KCNH7: variants seen among roughly 807,000 people sequenced by gnomAD.
KCNH7 encodes the protein potassium voltage-gated channel subfamily H member 7.
KCNH7 carries 49 observed loss-of-function variants against 120.8 expected under a neutral mutation model. The ratio of observed to expected loss-of-function variants is 0.41; its 90% CI spans 0.32 to 0.51. The LOEUF is 0.51. Ranked by LOEUF, KCNH7 falls within the 20% of genes least tolerant of loss-of-function variation. The probability of loss-of-function intolerance (pLI) is 0.38; values close to 1 mark genes in which losing one functional copy is unlikely to be tolerated. For missense variants in KCNH7, 1,097 were observed against 1,446.6 expected (o/e 0.76, Z 3.92); for synonymous variants, 547 against 516.1 (o/e 1.06, Z -0.81).
intron 2 of KCNH7, among the ~76,000 whole-genome samples, chr2:162,705,169 G>T (rs1686653741): frequency 6.6e-6 from 1 of 152,074 alleles, no homozygotes; most frequent in South Asian, 2.1e-4. Context: ...AGTTAAAAAT[G>T]ATATATAATG....
intron 2 of KCNH7, among the ~76,000 whole-genome samples, chr2:162,667,300 C>T (rs959072824): frequency 2.6e-5 from 4 of 152,090 alleles, no homozygotes; most frequent in South Asian, 2.1e-4. Flanking sequence ...GAATTACAGG[C>T]GTGAGCCACC....
At chr2:162,463,928 C>A (rs752449580) in intron 6 of KCNH7, among the ~76,000 whole-genome samples, 2 of 151,670 alleles carry the variant, frequency 1.3e-5, no homozygotes, top group Admixed American at 6.6e-5. Context: ...GAAAACAAAT[C>A]ATGTATTCTA....
intron 2 of KCNH7, among the ~76,000 whole-genome samples, chr2:162,599,788 A>C (rs1485979): frequency 0.51 from 77,405 of 151,814 alleles, 19,926 homozygotes; most frequent in Middle Eastern, 0.62. Context: ...ACATTTTATA[A>C]AGTCCAAATT....
At chr2:162,384,122 C>A (rs1686505760) in intron 13 of KCNH7, among the ~76,000 whole-genome samples, 2 of 151,814 alleles carry the variant, frequency 1.3e-5, no homozygotes. Context: ...TTACCCAACT[C>A]GTGCACATTT....
At chr2:162,540,210 GCAGATT>G (rs1037556713) in intron 2 of KCNH7, among the ~76,000 whole-genome samples, 4 of 108,526 alleles carry the variant, frequency 3.7e-5, no homozygotes, top group African/African-American at 2.5e-4. Context: ...TTGTTAAGAA[GCAGATT>G]ATTTACAATA....
intron 9 of KCNH7, among the ~76,000 whole-genome samples, chr2:162,407,482 T>A (rs943481448): frequency 2.0e-5 from 3 of 152,004 alleles, no homozygotes; most frequent in African/African-American, 7.2e-5. Flanking sequence ...GGTGATGATG[T>A]GTAGGCAGAG....
intron 7 of KCNH7, among the ~76,000 whole-genome samples, chr2:162,443,544 C>G (rs182258863): frequency 8.5e-5 from 13 of 152,334 alleles, no homozygotes; most frequent in Non-Finnish European, 1.5e-4. Context: ...CTCTTCCATT[C>G]AATACTTAAT....
chr2:162,528,652 G>T (rs984518033), intron 3 of KCNH7, among the ~76,000 whole-genome samples: 10 of 151,908 alleles, frequency 6.6e-5, no homozygotes, highest in Non-Finnish European at 1.3e-4. Context: ...CCATGCATAG[G>T]GCTTTGGAGT....
chr2:162,668,628 A>G (rs966921119), intron 2 of KCNH7, among the ~76,000 whole-genome samples: 9 of 152,242 alleles, frequency 5.9e-5, no homozygotes, highest in African/African-American at 2.2e-4. Flanking sequence ...AAATCTTCCA[A>G]GAAGGGCTCA....
At chr2:162,758,330 T>C (rs1039802220) in intron 2 of KCNH7, among the ~76,000 whole-genome samples, 9 of 152,180 alleles carry the variant, frequency 5.9e-5, no homozygotes, top group Non-Finnish European at 1.0e-4. Context: ...GGAGGTTATA[T>C]TCTTTAGTCA....
At chr2:162,478,028 A>C (rs937011405) in intron 6 of KCNH7, among the ~76,000 whole-genome samples, 1 of 152,228 alleles carries the variant, frequency 6.6e-6, no homozygotes, top group African/African-American at 2.4e-5. Context: ...GTGTGATAGA[A>C]GATAAAAGGA....
chr2:162,444,832 A>C (rs1260971099), intron 7 of KCNH7, among the ~76,000 whole-genome samples: 1 of 152,124 alleles, frequency 6.6e-6, no homozygotes, highest in African/African-American at 2.4e-5. Context: ...GGAGTAGCTA[A>C]TATTAAAAGT....
At chr2:162,649,007 A>G (rs1190691002) in intron 2 of KCNH7, among the ~76,000 whole-genome samples, 1 of 152,234 alleles carries the variant, frequency 6.6e-6, no homozygotes, top group East Asian at 1.9e-4. Context: ...ATTGTTTCAC[A>G]TGTCATTCTT....
chr2:162,608,589 T>G lies in KCNH7; in HGVS notation c.308-71509A>C, dbSNP rs201150427. Among the ~76,000 whole-genome samples, 25 of 152,290 alleles carry G rather than the reference T, an allele frequency of 1.6e-4. No individual in the cohort carries two copies. The East Asian group carries it at 4.8e-3, about 29-fold the overall frequency. ...GGTGGCAAATTTTGTCCAGTGAATCTCTTTTCATATCCTGACTTTTGTCAA... is the reference window on the plus strand; with the variant it reads ...GGTGGCAAATTTTGTCCAGTGAATCGCTTTTCATATCCTGACTTTTGTCAA... On this transcript the variant is annotated intron_variant, in intron 2 of 15. Transcript: ENST00000332142.
At chr2:162,596,669 A>G (rs927808187) in intron 2 of KCNH7, among the ~76,000 whole-genome samples, 16 of 152,078 alleles carry the variant, frequency 1.1e-4, no homozygotes, top group Admixed American at 7.2e-4. Context: ...ATAAGACCCC[A>G]AAAACACAGA....
intron 7 of KCNH7, among the ~76,000 whole-genome samples, chr2:162,442,295 G>A (rs1316340552): frequency 6.6e-6 from 1 of 151,416 alleles, no homozygotes; most frequent in Non-Finnish European, 1.5e-5. Flanking sequence ...CAAAGTGCTG[G>A]GATTACAGGC....
chr2:162,539,103 T>C (rs796641670), intron 2 of KCNH7, among the ~76,000 whole-genome samples: 4 of 152,244 alleles, frequency 2.6e-5, no homozygotes, highest in African/African-American at 9.6e-5. Context: ...GGAGCACTTG[T>C]CATAGTTTCC....
chr2:162,381,561 G>A (rs1346727611), intron 13 of KCNH7, among the ~76,000 whole-genome samples: 7 of 151,984 alleles, frequency 4.6e-5, no homozygotes, highest in Non-Finnish European at 1.0e-4. Context: ...CCTCAGTAGG[G>A]TGAGGCTTGA....
At chr2:162,835,198 C>T (rs1027188912) in intron 2 of KCNH7, among the ~76,000 whole-genome samples, 5 of 151,974 alleles carry the variant, frequency 3.3e-5, no homozygotes, top group East Asian at 3.9e-4. Flanking sequence ...CTGTTTGATA[C>T]GTATACTATT....
Sources: gnomAD v4.1 joint callset for allele counts (sites outside exome capture counted in the v4.1 genomes callset) on GRCh38, gnomAD v4.1.1 for gene constraint, MANE v1.5 for transcripts, NCBI Gene and HGNC (gene_info 2026-07-23, HGNC 2026-07-21) for gene names.